Variants in NFIX observed in about 807,000 individuals in gnomAD.
NFIX encodes the protein nuclear factor I X, also known as nuclear factor 1 X-type.
NFIX carries 2 observed loss-of-function variants against 53.3 expected under a neutral mutation model. The ratio of observed to expected loss-of-function variants is 0.04; its 90% CI spans 0.02 to 0.12. The LOEUF (loss-of-function observed/expected upper bound fraction) is 0.12. Among genes scored for constraint, NFIX ranks in the 10% least tolerant of loss-of-function variants. The pLI, the probability that NFIX is intolerant of heterozygous loss-of-function variation, is 1.00. For missense variants in NFIX, 310 were observed against 674.5 expected (o/e 0.46, Z 5.99); for synonymous variants, 244 against 289.0 (o/e 0.84, Z 1.58).
At position 13,078,541 on chromosome 19, in the gene NFIX, T is replaced by G. The variant is rs975023597; in HGVS notation, c.956-72T>G. ...GCTGAGGAGAGAAGGAGCGAGCTGC[T>G]GGCTTCCCGCCTTCCCCGCACCCAC... On this transcript the variant is annotated intron_variant, in intron 6 of 10. Transcript: ENST00000592199. This position sits in a 1 kb window ranked among gnomAD's most constrained non-coding sequence, Gnocchi z 4.7. 1.7e-5 allele frequency: 26 copies of G among 1,524,178 alleles called. 1 individual carries two copies. The highest frequency in any genetic ancestry group is 2.1e-5 in the Non-Finnish European group (24 of 1,126,894). The allele number at this position is 1,524,178 out of a possible 1,614,324, so 94.4% of individuals were successfully genotyped here.
intron 8 of NFIX, among the ~76,000 whole-genome samples, chr19:13,086,872 T>C (rs1479792507): frequency 6.6e-6 from 1 of 152,238 alleles, no homozygotes; most frequent in African/African-American, 2.4e-5. Flanking sequence ...AACGAGGCAC[T>C]GGCTGGAGAC....
chr19:13,061,289 A>G (rs2016071204), intron 2 of NFIX, among the ~76,000 whole-genome samples: 1 of 152,146 alleles, frequency 6.6e-6, no homozygotes, highest in African/African-American at 2.4e-5. Context: ...TTCCTAATCA[A>G]TGCGAACGGG....
In NFIX at chr19:13,081,461, G is replaced by GATTATT. The variant is rs533753642; in HGVS notation, c.1079-203_1079-198dup. Among the ~76,000 whole-genome samples the GATTATT allele has an allele frequency of 4.6e-5, 7 of 151,920 alleles. No homozygotes were observed. The South Asian group carries it at 6.2e-4, about 14-fold the overall frequency. ...CCTTTGGACCCTAGTTTGCCTATTT[G>GATTATT]ATTATTATTATTATTATTATTTTTG... is the stretch of plus-strand genomic sequence containing the variant. On this transcript the variant is annotated intron_variant, in intron 7 of 10. Transcript: ENST00000592199. This position sits in a 1 kb window ranked among gnomAD's most constrained non-coding sequence, Gnocchi z 4.7.
intron 6 of NFIX, among the ~76,000 whole-genome samples, chr19:13,075,915 G>A (rs1036059586): frequency 1.8e-4 from 27 of 152,190 alleles, no homozygotes; most frequent in Non-Finnish European, 3.4e-4. Context: ...GTGGGAAGCA[G>A]AGGGGGTGCC....
chr19:13,075,483 C>G, intron 5 of NFIX, 52 bp from the exon 6 acceptor site: 1 of 1,600,348 alleles, frequency 6.2e-7, no homozygotes, highest in Non-Finnish European at 8.5e-7. Flanking sequence ...TTGGTCACTC[C>G]CTGGAGCCTC....
chr19:13,026,783 T>C (rs562215835), intron 2 of NFIX, among the ~76,000 whole-genome samples: 12 of 151,846 alleles, frequency 7.9e-5, no homozygotes, highest in Admixed American at 2.0e-4. Flanking sequence ...CTTTCCACCA[T>C]TCCAGTATTT....
In NFIX at chr19:13,094,775, C is replaced by A; in HGVS notation, c.*126C>A. ...CCACCGAAAAGCAAAAATTACACGT[C>A]GTCAGCCACTCAGCCCTTCTCTCCT... On this transcript the variant is annotated 3_prime_UTR_variant, in exon 11 of 11. Coordinates refer to ENST00000592199, the MANE Select transcript of NFIX (RefSeq NM_001365902.3). This position sits in a 1 kb window ranked among gnomAD's most constrained non-coding sequence, Gnocchi z 4.3. 9.9e-7 allele frequency: 1 copy of A among 1,014,998 alleles called. No individual in the cohort carries two copies. The highest frequency in any genetic ancestry group is 1.5e-6 in the Non-Finnish European group (1 of 686,614). The allele number at this position is 1,014,998 out of a possible 1,614,324, so 62.9% of individuals were successfully genotyped here.
Position 13,025,524 on chromosome 19 carries a change from T to G in NFIX, c.531T>G (p.Leu177=). The G allele has an allele frequency of 6.2e-7, 1 of 1,613,238 alleles. No homozygotes were observed. Among genetic ancestry groups the G allele is most frequent in the Non-Finnish European group, 8.5e-7 (1 of 1,179,512 alleles). Residue 177 remains leucine (L), a synonymous_variant, in exon 2 of 11, where the codon CTT becomes CTG. Transcript: ENST00000592199. The surrounding 1 kb of genome is among the most constrained non-coding windows in gnomAD (Gnocchi z 7.5). ...HIGVTIKELD[L]YLAYFVHTPE... ...GAGTCACAATCAAAGAACTGGATCT[T>G]TATCTGGCTTACTTTGTCCACACTC...
rs2012450029 is a variant in NFIX at position 13,012,993 on chromosome 19, C to CG, written c.28-12028_28-12027insG. Reference sequence around the variant, plus strand: ...CAGCGAGCGCGGGGAAGAAATGTGACTAAGTGGCAGAAAATGCGCTTTCCC... The same window carrying CG: ...CAGCGAGCGCGGGGAAGAAATGTGACGTAAGTGGCAGAAAATGCGCTTTCCC... On this transcript the variant is annotated intron_variant, in intron 1 of 10. Coordinates refer to ENST00000592199, the MANE Select transcript of NFIX (RefSeq NM_001365902.3). This position sits in a 1 kb window ranked among gnomAD's most constrained non-coding sequence, Gnocchi z 5.0. Among the ~76,000 whole-genome samples, 1 of 151,972 alleles carries CG rather than the reference C, an allele frequency of 6.6e-6. No homozygotes were observed. Among genetic ancestry groups the CG allele is most frequent in the East Asian group, 1.9e-4 (1 of 5,186 alleles).
At chr19:13,053,725 A>G (rs1347211419) in intron 2 of NFIX, among the ~76,000 whole-genome samples, 5 of 152,130 alleles carry the variant, frequency 3.3e-5, no homozygotes, top group African/African-American at 1.2e-4. Context: ...CAGTTGAGGG[A>G]GGTCAGGAGC....
intron 2 of NFIX, among the ~76,000 whole-genome samples, chr19:13,038,685 GGCT>G (rs1332826921): frequency 3.3e-5 from 5 of 152,218 alleles, no homozygotes; most frequent in Non-Finnish European, 7.3e-5. Context: ...TTTACTACCT[GGCT>G]GCAGTTGACT....
chr19:13,072,110 G>A lies in NFIX; in HGVS notation c.560-937G>A, dbSNP rs1039586520. 6.6e-5 allele frequency among the ~76,000 whole-genome samples: 10 copies of A among 152,162 alleles called. No individual in the cohort carries two copies. Among genetic ancestry groups the A allele is most frequent in the Admixed American group, 1.3e-4 (2 of 15,284 alleles). ...TTCACCAAATGCCTGGCTTCCTCCTGCCCCACAACCTGCCTGGCCCCCCTC... is the reference window on the plus strand; with the variant it reads ...TTCACCAAATGCCTGGCTTCCTCCTACCCCACAACCTGCCTGGCCCCCCTC... On this transcript the variant is annotated intron_variant, in intron 2 of 10. Transcript: ENST00000592199. This position sits in a 1 kb window ranked among gnomAD's most constrained non-coding sequence, Gnocchi z 4.0.
chr19:13,062,404 G>C (rs1045762614), intron 2 of NFIX, among the ~76,000 whole-genome samples: 6 of 152,224 alleles, frequency 3.9e-5, no homozygotes, highest in African/African-American at 1.4e-4. Context: ...GTTTGAAGAA[G>C]GATCTAGAAG....
At chr19:13,062,166 G>C (rs1031492624) in intron 2 of NFIX, among the ~76,000 whole-genome samples, 1 of 152,228 alleles carries the variant, frequency 6.6e-6, no homozygotes, top group African/African-American at 2.4e-5. Context: ...TGAGGCTCCA[G>C]TTCCTTCCTC....
At position 13,012,839 on chromosome 19, in the gene NFIX, C is replaced by A. The variant is rs1247048859; in HGVS notation, c.28-12182C>A. ...CATAGTGAGCGTCGTCATCTCTAGA[C>A]TACCCCGGTTTCCGAGGAGCCTCAC... On this transcript the variant is annotated intron_variant, in intron 1 of 10. Transcript: ENST00000592199. The surrounding 1 kb of genome is among the most constrained non-coding windows in gnomAD (Gnocchi z 5.0). 6.6e-6 allele frequency among the ~76,000 whole-genome samples: 1 copy of A among 152,148 alleles called. No individual in the cohort carries two copies. Among genetic ancestry groups the A allele is most frequent in the Non-Finnish European group, 1.5e-5 (1 of 68,020 alleles).
chr19:13,062,592 C>A (rs1293226554), intron 2 of NFIX, among the ~76,000 whole-genome samples: 1 of 152,192 alleles, frequency 6.6e-6, no homozygotes, highest in Non-Finnish European at 1.5e-5. Context: ...GGCTCTCATG[C>A]CTTCCAGAGC....
chr19:13,000,584 G>A (rs777388753), intron 1 of NFIX, among the ~76,000 whole-genome samples: 11 of 151,994 alleles, frequency 7.2e-5, no homozygotes, highest in Non-Finnish European at 1.5e-4. Context: ...GAGAGACGAG[G>A]CCTCCACTGT....
intron 1 of NFIX, among the ~76,000 whole-genome samples, chr19:13,015,716 C>T (rs1282698995): frequency 6.6e-6 from 1 of 152,170 alleles, no homozygotes; most frequent in Non-Finnish European, 1.5e-5. Context: ...CATACATGCC[C>T]TGTTAGTCTG....
At chr19:13,075,763 GT>G in intron 6 of NFIX, 92 bp downstream of exon 6, 3 of 1,460,404 alleles carry the variant, frequency 2.1e-6, no homozygotes, top group Admixed American at 2.0e-5. Context: ...CCCACCAGTT[GT>G]CCCCCTGTCG....
Sources: gnomAD v4.1 joint callset for allele counts (sites outside exome capture counted in the v4.1 genomes callset) on GRCh38, gnomAD v4.1.1 for gene constraint, Gnocchi (gnomAD v3.1) non-coding constraint, MANE v1.5 for transcripts, NCBI Gene and HGNC (gene_info 2026-07-23, HGNC 2026-07-21) for gene names.